Variants in IMPDH2 observed in about 807,000 individuals in gnomAD.
IMPDH2 encodes inosine monophosphate dehydrogenase 2.
Under a neutral mutation model 57.8 loss-of-function variants are expected in IMPDH2, and 33 were observed. The observed-to-expected ratio is 0.57, with a 90% CI of 0.43 to 0.76. IMPDH2 has a LOEUF of 0.76. Among genes scored for constraint, IMPDH2 ranks in the 30% least tolerant of loss-of-function variants. IMPDH2 has a pLI of 0.00. For missense variants in IMPDH2, 446 were observed against 659.1 expected (o/e 0.68, Z 3.54); for synonymous variants, 270 against 241.3 (o/e 1.12, Z -1.10).
At position 49,026,855 on chromosome 3, in the gene IMPDH2, C is replaced by T. The variant is rs1559916423; in HGVS notation, c.651G>A (p.Glu217=). The part of the protein sequence containing the change: ...GKLPIVNEDD[E]LVAIIARTDL... ...CTGTCCGGGCAATGATGGCCACAAG[C>T]TCATCATCTTCATTTACAATGGGCA... Residue 217 remains glutamate (E), a synonymous_variant, in exon 7 of 14, where the codon GAG becomes GAA. Transcript: ENST00000326739. The T allele has an allele frequency of 1.9e-6, 3 of 1,614,232 alleles. No homozygotes were observed. The highest frequency in any genetic ancestry group is 2.2e-5 in the East Asian group (1 of 44,888).
In IMPDH2 at chr3:49,026,328, C is replaced by G; in HGVS notation, c.1002G>C (p.Gln334His). The G allele has an allele frequency of 6.2e-7, 1 of 1,605,890 alleles. No individual in the cohort carries two copies. The highest frequency in any genetic ancestry group is 2.2e-5 in the East Asian group (1 of 44,806). ...CCTATCAAAGTATATTCTTACCTTC[C>G]TGCGTAATGCAGATGGAGCCACTTC... ...GMGSGSICIT[Q>H]EVLACGRPQA... The change falls in exon 9 of 14, where the codon CAG (glutamine) becomes CAC (histidine). Residue 334 changes from glutamine to histidine, a missense_variant. Physicochemically the swap from Gln to His is conservative, Grantham distance 24 (BLOSUM62 0). Transcript: ENST00000326739.
chr3:49,028,972 T>A, intron 1 of IMPDH2, 166 bp from the exon 2 acceptor site: 1 of 677,558 alleles, frequency 1.5e-6, no homozygotes, highest in Non-Finnish European at 2.7e-6. Context: ...ACAGGGGACC[T>A]TTTCTGCCAC....
chr3:49,028,811 G>A lies in IMPDH2; in HGVS notation c.99-5C>T, dbSNP rs369675974. On this transcript the variant is annotated splice_region_variant and splice_polypyrimidine_tract_variant and intron_variant, in intron 1 of 13. Transcript: ENST00000326739. ...CCAGGGAGAATGAGAAAGTCACTGCGAGGGAAGGGAGTGAATTGGGAGTAA... is the reference window on the plus strand; with the variant it reads ...CCAGGGAGAATGAGAAAGTCACTGCAAGGGAAGGGAGTGAATTGGGAGTAA... 5.6e-6 allele frequency: 9 copies of A among 1,612,322 alleles called. No individual in the cohort carries two copies. The highest frequency in any genetic ancestry group is 1.6e-4 in the Middle Eastern group (1 of 6,080).
In IMPDH2 at chr3:49,026,670, C is replaced by T. The variant is rs768123480; in HGVS notation, c.819+17G>A. ...CAGCTGCCCCTATTGCCCCAACCCA[C>T]CTGTGTAGCAGCTCACCAAAACCAC... On this transcript the variant is annotated intron_variant, in intron 7 of 13. Transcript: ENST00000326739. 80 of 1,613,792 alleles carry T rather than the reference C, an allele frequency of 5.0e-5. 1 individual carries two copies. Among genetic ancestry groups the T allele is most frequent in the Non-Finnish European group, 6.5e-5 (77 of 1,179,860 alleles).
At position 49,026,510 on chromosome 3, in the gene IMPDH2, T is replaced by C. The variant is rs1417518020; in HGVS notation, c.910+9A>G. On this transcript the variant is annotated intron_variant, in intron 8 of 13. Transcript: ENST00000326739. The stretch of plus-strand genomic sequence containing the variant: ...ACCACACATCCTTCAGGGCACAATC[T>C]TGCCTTACCATTGCCTCCAATGACT... 6.2e-7 allele frequency: 1 copy of C among 1,610,390 alleles called. No homozygotes were observed. Among genetic ancestry groups the C allele is most frequent in the Non-Finnish European group, 8.5e-7 (1 of 1,176,502 alleles).
Position 49,028,519 on chromosome 3 carries a change from G to GC in IMPDH2, c.160dup (p.Ala54GlyfsTer9). 6.2e-7 allele frequency: 1 copy of GC among 1,613,702 alleles called. No individual in the cohort carries two copies. Among genetic ancestry groups the GC allele is most frequent in the South Asian group, 1.1e-5 (1 of 91,048 alleles). ...CTTAAGAGTGATTTTCTTGGTCAGA[G>GC]CAGAAGTCAGGTCCTGAGGAGACAA... On this transcript the variant is annotated frameshift_variant, in exon 3 of 14. Coordinates refer to ENST00000326739, the MANE Select transcript of IMPDH2 (RefSeq NM_000884.3). LOFTEE classifies it high-confidence loss of function.
intron 4 of IMPDH2, 39 bp downstream of exon 4, chr3:49,028,209 T>C: frequency 6.7e-7 from 1 of 1,482,552 alleles, no homozygotes; most frequent in Non-Finnish European, 9.4e-7. Flanking sequence ...CTCAGTGCAA[T>C]TCCCAGGAGC....
At chr3:49,025,514 GC>G in intron 9 of IMPDH2, 1 of 526,220 alleles carries the variant, frequency 1.9e-6, no homozygotes, top group Non-Finnish European at 3.4e-6. Context: ...GCAGCCTCAG[GC>G]ACATGCAGTC....
intron 10 of IMPDH2, 35 bp downstream of exon 10, chr3:49,025,091 G>T: frequency 6.2e-7 from 1 of 1,614,226 alleles, no homozygotes. Context: ...ACTAGGGAGG[G>T]GGTCCCACTG....
Position 49,026,538 on chromosome 3 carries a change from G to A in IMPDH2, c.891C>T (p.Leu297=). The A allele has an allele frequency of 1.2e-6, 2 of 1,613,738 alleles. No homozygotes were observed. The highest frequency in any genetic ancestry group is 1.7e-6 in the Non-Finnish European group (2 of 1,179,592). Residue 297 remains leucine, a synonymous_variant, in exon 8 of 14, where the codon CTC becomes CTT. Transcript: ENST00000326739. The part of the protein sequence containing the change: ...IKYIKDKYPN[L]QVIGGNVVTA... ...CCTTACCATTGCCTCCAATGACTTG[G>A]AGATTAGGGTATTTGTCTTTGATGT...
At chr3:49,028,571 C>T in intron 2 of IMPDH2, 39 bp from the exon 3 acceptor site, 2 of 1,527,762 alleles carry the variant, frequency 1.3e-6, no homozygotes, top group Non-Finnish European at 1.8e-6. Context: ...GAAAGCATCC[C>T]TTACACCTCA....
At chr3:49,024,434 A>C (rs754550169) in intron 13 of IMPDH2, 30 bp from the exon 14 acceptor site, 29 of 1,614,168 alleles carry the variant, frequency 1.8e-5, no homozygotes, top group Non-Finnish European at 2.4e-5. Flanking sequence ...CTGTGAGGTG[A>C]GGGCAGGAGA....
Position 49,027,727 on chromosome 3 carries a change from C to A in IMPDH2, c.514G>T (p.Asp172Tyr). 2 of 1,614,150 alleles carry A rather than the reference C, an allele frequency of 1.2e-6. No individual in the cohort carries two copies. Among genetic ancestry groups the A allele is most frequent in the Non-Finnish European group, 1.7e-6 (2 of 1,180,002 alleles). ...DIDFLKEEEH[D>Y]CFLEEIMTKR... is the part of the protein sequence containing the mutation. Reference sequence around the variant, plus strand: ...GCACCCACCTCTTCCAAGAAACAGTCATGTTCCTCCTCTTTGAGAAAATCA... The same window carrying A: ...GCACCCACCTCTTCCAAGAAACAGTAATGTTCCTCCTCTTTGAGAAAATCA... The change falls in exon 5 of 14, where the codon GAC becomes TAC. Residue 172 changes from aspartate to tyrosine, a missense_variant. Asp to Tyr is a radical substitution (Grantham distance 160, BLOSUM62 -3). Transcript: ENST00000326739.
chr3:49,026,932 C>T (rs1201116354), intron 6 of IMPDH2, 28 bp downstream of exon 6: 1 of 1,613,558 alleles, frequency 6.2e-7, no homozygotes, highest in Admixed American at 1.7e-5. Flanking sequence ...GCATTAGTTC[C>T]AGGCCCTTTC....
rs1046792272 is a variant in IMPDH2, at chr3:49,025,242, G to A, written c.1034C>T (p.Thr345Ile). Residue 345 changes from threonine (T) to isoleucine (I), a missense_variant, in exon 10 of 14, where the codon ACA (threonine) becomes ATA (isoleucine). Coordinates refer to ENST00000326739, the MANE Select transcript of IMPDH2 (RefSeq NM_000884.3). ...ATACTCTGACACCTTGTACACTGCT[G>A]TTGCTTGGGGCCGCCCACAGGCCAG... ...EVLACGRPQA[T>I]AVYKVSEYAR... The A allele has an allele frequency of 6.2e-6, 10 of 1,614,138 alleles. No homozygotes were observed. Among genetic ancestry groups the A allele is most frequent in the Non-Finnish European group, 8.5e-6 (10 of 1,180,054 alleles).
chr3:49,024,631 T>TA (rs2093189203), intron 12 of IMPDH2, 28 bp downstream of exon 12: 4 of 1,614,100 alleles, frequency 2.5e-6, no homozygotes, highest in African/African-American at 1.3e-5. Flanking sequence ...CCAGCCCCTC[T>TA]ACCCATGTCC....
At chr3:49,025,846 T>C (rs1377442883) in intron 9 of IMPDH2, 1 of 397,444 alleles carries the variant, frequency 2.5e-6, no homozygotes, top group Non-Finnish European at 5.0e-6. Context: ...GGGAGCTATG[T>C]TCTTGAGCAC....
At position 49,025,146 on chromosome 3, in the gene IMPDH2, A is replaced by C; in HGVS notation, c.1130T>G (p.Leu377Trp). The C allele has an allele frequency of 6.2e-7, 1 of 1,614,188 alleles. No homozygotes were observed. The highest frequency in any genetic ancestry group is 8.5e-7 in the Non-Finnish European group (1 of 1,180,006). ...CTCACCTGTGGAGGCCCCAAGGGCC[A>C]AGGCTTTCGCAATATGACCCACATT... ...IQNVGHIAKA[L>W]ALGASTVMMG... The change falls in exon 10 of 14, where the codon TTG becomes TGG. Residue 377 changes from leucine (L) to tryptophan (W), a missense_variant. By Grantham distance (61) the Leu-to-Trp change is moderately conservative. Transcript: ENST00000326739.
intron 10 of IMPDH2, 37 bp downstream of exon 10, chr3:49,025,088 AG>A: frequency 6.2e-7 from 1 of 1,614,164 alleles, no homozygotes; most frequent in East Asian, 2.2e-5. Flanking sequence ...AGCACTAGGG[AG>A]GGGGTCCCAC....
Sources: gnomAD v4.1 joint callset for allele counts on GRCh38, gnomAD v4.1.1 for gene constraint, MANE v1.5 for transcripts, NCBI Gene and HGNC (gene_info 2026-07-23, HGNC 2026-07-21) for gene names.